MAP3K15: variants seen among roughly 807,000 people sequenced by gnomAD.
MAP3K15 encodes mitogen-activated protein kinase kinase kinase 15.
A neutral mutation model predicts 99.5 loss-of-function variants in MAP3K15; 124 were observed. That is an observed-to-expected ratio of 1.25 (90% CI 1.08 to 1.45). The LOEUF (loss-of-function observed/expected upper bound fraction) is 1.45. Ranked by LOEUF, MAP3K15 falls within the 40% of genes most tolerant of loss-of-function variation. The probability of loss-of-function intolerance (pLI) is 0.00; values close to 1 mark genes in which losing one functional copy is unlikely to be tolerated. For missense variants in MAP3K15, 1,242 were observed against 1,079.7 expected, an observed-to-expected ratio of 1.15 and a Z score of -2.11; for synonymous variants, 494 against 439.6, an observed-to-expected ratio of 1.12 and a Z score of -1.55.
In MAP3K15 at chrX:19,426,825, A is replaced by ACAAAAAAAC. The variant is rs1188839354; in HGVS notation, c.1167-483_1167-482insGTTTTTTTG. Among the ~76,000 whole-genome samples the ACAAAAAAAC allele has an allele frequency of 5.9e-5, 6 of 101,315 alleles. 1 individual carries two copies. Among genetic ancestry groups the ACAAAAAAAC allele is most frequent in the African/African-American group, 2.4e-4 (6 of 24,856 alleles). 88.0% of individuals were successfully genotyped at this position (101,315 alleles called of 115,157 possible). On this transcript the variant is annotated intron_variant, in intron 7 of 28. Coordinates refer to ENST00000338883, the MANE Select transcript of MAP3K15 (RefSeq NM_001001671.4). Reference sequence around the variant, plus strand: ...AGAGCGAGAATCTGTCTCCAAAAAAAAAAAAAAAAAAAAAAAAAGTCATAA... The same window carrying ACAAAAAAAC: ...AGAGCGAGAATCTGTCTCCAAAAAAACAAAAAAACAAAAAAAAAAAAAAAAAAGTCATAA...
At chrX:19,480,466 T>G (rs1219557995) in intron 3 of MAP3K15, among the ~76,000 whole-genome samples, 1 of 109,531 alleles carries the variant, frequency 9.1e-6, no homozygotes, top group African/African-American at 3.3e-5. Flanking sequence ...GGTGACAGAG[T>G]AAGACCCTGT....
rs920407204 is a variant in MAP3K15, at chrX:19,463,642, T to C, written c.719+571A>G. 2.7e-5 allele frequency among the ~76,000 whole-genome samples: 3 copies of C among 112,027 alleles called. No homozygotes were observed. The Admixed American group carries it at 2.9e-4, about 11-fold the overall frequency. ...TTCAGTGCTACACAGGTAGGAATCA[T>C]CTAAGCCAAGATTCCAATCTAAACC... is the stretch of plus-strand genomic sequence containing the variant. On this transcript the variant is annotated intron_variant, in intron 4 of 28. Coordinates refer to ENST00000338883, the MANE Select transcript of MAP3K15 (RefSeq NM_001001671.4).
chrX:19,507,535 G>A (rs1405794809), intron 1 of MAP3K15, among the ~76,000 whole-genome samples: 6 of 82,531 alleles, frequency 7.3e-5, no homozygotes, highest in African/African-American at 3.0e-4. Flanking sequence ...CCGTGATCGC[G>A]CTACTGCACT....
At chrX:19,483,123 T>G (rs1310249138) in intron 3 of MAP3K15, among the ~76,000 whole-genome samples, 2 of 108,976 alleles carry the variant, frequency 1.8e-5, no homozygotes. Flanking sequence ...CCGGTCATGG[T>G]GGCACATGCC....
chrX:19,456,867 A>C (rs200574674), intron 6 of MAP3K15, 46 bp downstream of exon 6: 1,227 of 957,804 alleles, frequency 1.3e-3, no homozygotes, highest in Non-Finnish European at 1.7e-3. Flanking sequence ...AGCACAATTC[A>C]ATGGGTGGCA....
intron 18 of MAP3K15, among the ~76,000 whole-genome samples, chrX:19,390,927 C>T (rs2063523761): frequency 9.0e-6 from 1 of 111,439 alleles, no homozygotes; most frequent in African/African-American, 3.3e-5. Flanking sequence ...AAAATCAGTA[C>T]TTCTTTCCAA....
chrX:19,466,545 G>T (rs1308609084), intron 3 of MAP3K15: 1 of 112,157 alleles, frequency 8.9e-6, no homozygotes, highest in Non-Finnish European at 1.9e-5. Context: ...CACCATGATT[G>T]TAAGTTTCCT....
At chrX:19,467,189 A>G (rs1007140890) in intron 3 of MAP3K15, among the ~76,000 whole-genome samples, 3 of 111,046 alleles carry the variant, frequency 2.7e-5, no homozygotes, top group Non-Finnish European at 5.7e-5. Flanking sequence ...AAATCTTGTT[A>G]GTAAGATTCT....
At chrX:19,432,051 T>C (rs1205820386) in intron 6 of MAP3K15, among the ~76,000 whole-genome samples, 1 of 107,850 alleles carries the variant, frequency 9.3e-6, no homozygotes, top group Non-Finnish European at 1.9e-5. Context: ...TATTTCTAAA[T>C]AATAGTTTTC....
chrX:19,386,095 C>T (rs145926481), intron 18 of MAP3K15, among the ~76,000 whole-genome samples: 29 of 111,986 alleles, frequency 2.6e-4, no homozygotes, highest in Non-Finnish European at 4.7e-4. Flanking sequence ...TCAAGAAAAC[C>T]AAGTGAAGAT....
intron 18 of MAP3K15, among the ~76,000 whole-genome samples, chrX:19,387,721 A>G (rs1051320779): frequency 5.4e-5 from 6 of 111,772 alleles, no homozygotes; most frequent in Admixed American, 3.8e-4. Context: ...CTCAGAACCT[A>G]TTCTGGTTCC....
intron 18 of MAP3K15, among the ~76,000 whole-genome samples, chrX:19,381,617 G>A (rs919987042): frequency 8.9e-6 from 1 of 112,280 alleles, no homozygotes; most frequent in African/African-American, 3.2e-5. Flanking sequence ...ACACGGGGCA[G>A]GGTGTGGGAA....
In MAP3K15 at chrX:19,398,144, C is replaced by T. The variant is rs753721918; in HGVS notation, c.2066+82G>A. On this transcript the variant is annotated intron_variant, in intron 15 of 28. Transcript: ENST00000338883. ...GGTAACACAATGCTTTTGCCCTTAA[C>T]TCCTCCACACCATGAGCGGTGGGTA... 258 of 1,077,882 alleles carry T rather than the reference C, an allele frequency of 2.4e-4. 2 individuals are homozygous for T. In the South Asian group the frequency reaches 5.1e-3, roughly 21 times the overall value. 88.8% of individuals were successfully genotyped at this position (1,077,882 alleles called of 1,213,427 possible).
intron 13 of MAP3K15, among the ~76,000 whole-genome samples, chrX:19,401,776 T>C (rs2063610111): frequency 8.9e-6 from 1 of 112,215 alleles, no homozygotes; most frequent in African/African-American, 3.2e-5. Context: ...TGGATACAAG[T>C]CATCTTGACT....
chrX:19,373,397 G>T, intron 21 of MAP3K15, 139 bp downstream of exon 21: 1 of 741,080 alleles, frequency 1.3e-6, no homozygotes, highest in Non-Finnish European at 1.9e-6. Flanking sequence ...GGATGGGGCG[G>T]CTCAGCTGCC....
rs766658565 is a variant in MAP3K15 at position 19,419,106 on chromosome X, A to G, written c.1440-3849T>C. ...AACATGCCAAATTGTAAAGACCATC[A>G]AGGCTAGGAAGAAACTGCATCAACT... is the stretch of plus-strand genomic sequence containing the variant. On this transcript the variant is annotated intron_variant, in intron 9 of 28. Coordinates refer to ENST00000338883, the MANE Select transcript of MAP3K15 (RefSeq NM_001001671.4). Among the ~76,000 whole-genome samples the G allele has an allele frequency of 7.0e-3, 790 of 112,057 alleles. 5 individuals carry two copies. The highest frequency in any genetic ancestry group is 0.023 in the African/African-American group (717 of 30,859).
chrX:19,362,856 T>TA lies in MAP3K15; in HGVS notation c.3567-7_3567-6insT. On this transcript the variant is annotated splice_region_variant and splice_polypyrimidine_tract_variant and intron_variant, in intron 25 of 28. Coordinates refer to ENST00000338883, the MANE Select transcript of MAP3K15 (RefSeq NM_001001671.4). ...CAACTAGGTGTTCCAAAAGTCTGGTTTAAAAAAAAAAAAAAAAAGCCATTA... is the reference window on the plus strand; with the variant it reads ...CAACTAGGTGTTCCAAAAGTCTGGTTATAAAAAAAAAAAAAAAAAGCCATTA... 3.1e-6 allele frequency: 3 copies of TA among 965,878 alleles called. No individual in the cohort carries two copies. Among genetic ancestry groups the TA allele is most frequent in the Non-Finnish European group, 2.8e-6 (2 of 712,158 alleles). The allele number at this position is 965,878 out of a possible 1,213,427, so 79.6% of individuals were successfully genotyped here.
intron 25 of MAP3K15, 81 bp from the exon 26 acceptor site, chrX:19,362,931 A>T: frequency 1.8e-6 from 1 of 546,614 alleles, no homozygotes; most frequent in Non-Finnish European, 3.0e-6. Context: ...TCTGTTGTGC[A>T]TACATTAGAG....
chrX:19,398,645 T>C (rs2063585604), intron 14 of MAP3K15, among the ~76,000 whole-genome samples: 1 of 111,928 alleles, frequency 8.9e-6, no homozygotes, highest in Non-Finnish European at 1.9e-5. Context: ...CTTCCCCATT[T>C]TAACGCTGCA....
Sources: allele counts gnomAD v4.1 joint callset (sites outside exome capture counted in the v4.1 genomes callset), GRCh38; gene constraint gnomAD v4.1.1; transcripts MANE v1.5; gene names NCBI Gene and HGNC (gene_info 2026-07-23, HGNC 2026-07-21).